The following SARDH variants were observed in gnomAD, a reference collection of about 807,000 sequenced individuals.
SARDH encodes the protein sarcosine dehydrogenase, mitochondrial.
In SARDH, 95 loss-of-function variants were observed where a neutral mutation model predicts 109.1. The ratio of observed to expected loss-of-function variants is 0.87; its 90% CI spans 0.74 to 1.03. The LOEUF is 1.03. Among genes scored for constraint, SARDH ranks in the 50% least tolerant of loss-of-function variants. The pLI, the probability that SARDH is intolerant of heterozygous loss-of-function variation, is 0.00. For synonymous variants in SARDH, 572 were observed against 534.8 expected, an observed-to-expected ratio of 1.07 and a Z score of -0.96; for missense variants, 1,267 against 1,287.8, an observed-to-expected ratio of 0.98 and a Z score of 0.25.
chr9:133,664,547 A>C (rs1588362932), intron 20 of SARDH, among the ~76,000 whole-genome samples: 1 of 151,572 alleles, frequency 6.6e-6, no homozygotes, highest in Non-Finnish European at 1.5e-5. Flanking sequence ...GGAGGGTGTC[A>C]CCTCCAGCCT....
chr9:133,676,636 G>A (rs1830520687), intron 17 of SARDH, among the ~76,000 whole-genome samples: 1 of 152,208 alleles, frequency 6.6e-6, no homozygotes, highest in Admixed American at 6.5e-5. Context: ...GGGAATGTGA[G>A]GGAATGGCCC....
Position 133,670,689 on chromosome 9 carries a change from A to T in SARDH, c.2390T>A (p.Phe797Tyr), listed in dbSNP as rs1830313931. ...CACCGGCGACTTGAGCTTGCAGGTG[A>T]AGGCCAGGCCTGCCTCCAGGGGGCT... ...DDSPLEAGLA[F>Y]TCKLKSPVPF... Residue 797 changes from phenylalanine (F) to tyrosine (Y), a missense_variant, in exon 19 of 21, where the codon TTC becomes TAC. Physicochemically the swap from Phe to Tyr is conservative, Grantham distance 22. Coordinates refer to ENST00000439388, the MANE Select transcript of SARDH (RefSeq NM_001134707.2). The T allele has an allele frequency of 6.2e-7, 1 of 1,608,192 alleles. No homozygotes were observed. Among genetic ancestry groups the T allele is most frequent in the Non-Finnish European group, 8.5e-7 (1 of 1,178,152 alleles).
intron 15 of SARDH, 83 bp downstream of exon 15, chr9:133,694,175 C>A: frequency 9.9e-7 from 1 of 1,014,164 alleles, no homozygotes. Context: ...GCAGCCCATC[C>A]CGTCCATCCT....
chr9:133,665,784 C>G (rs1830043883), intron 20 of SARDH, among the ~76,000 whole-genome samples: 1 of 152,224 alleles, frequency 6.6e-6, no homozygotes, highest in Non-Finnish European at 1.5e-5. Context: ...CCGTCTCCAG[C>G]CTACCCCTCC....
intron 8 of SARDH, among the ~76,000 whole-genome samples, chr9:133,714,344 C>T (rs143124808): frequency 1.3e-3 from 198 of 152,214 alleles, no homozygotes; most frequent in African/African-American, 4.5e-3. Flanking sequence ...AGGGCCACTG[C>T]AGGGGAGGGT....
Position 133,718,805 on chromosome 9 carries a change from G to A in SARDH, c.1020+133C>T, listed in dbSNP as rs1052736294. 1.2e-6 allele frequency: 1 copy of A among 816,898 alleles called. No individual in the cohort carries two copies. The allele number at this position is 816,898 out of a possible 1,614,324, so 50.6% of individuals were successfully genotyped here. The stretch of plus-strand genomic sequence containing the variant: ...AGCAAGATGGCTTTGAGCTTGGTGG[G>A]GTCAGGGGACCGGCCACTTCTCAGG... On this transcript the variant is annotated intron_variant, in intron 7 of 20. Transcript: ENST00000439388. This position sits in a 1 kb window ranked among gnomAD's most constrained non-coding sequence, Gnocchi z 4.2.
intron 6 of SARDH, 45 bp from the exon 7 acceptor site, chr9:133,719,087 G>A: frequency 6.4e-7 from 1 of 1,554,706 alleles, no homozygotes; most frequent in Non-Finnish European, 8.9e-7. Flanking sequence ...AGAACTGGGT[G>A]GGGACTTGGT....
rs140763023 is a variant in SARDH at position 133,681,118 on chromosome 9, G to A, written c.2163+4075C>T. 4.1e-3 allele frequency among the ~76,000 whole-genome samples: 626 copies of A among 152,352 alleles called. 10 individuals are homozygous for A. The highest frequency in any genetic ancestry group is 0.014 in the African/African-American group (596 of 41,584). ...TCCTGGCTGGGGCTGTGTGGGGATG[G>A]AAGCCTGCCCTCAGCACCGGGGACA... On this transcript the variant is annotated intron_variant, in intron 17 of 20. Coordinates refer to ENST00000439388, the MANE Select transcript of SARDH (RefSeq NM_001134707.2).
chr9:133,684,004 G>A (rs1830791702), intron 17 of SARDH, among the ~76,000 whole-genome samples: 2 of 152,194 alleles, frequency 1.3e-5, no homozygotes, highest in South Asian at 2.1e-4. Flanking sequence ...GCCTCTCTGA[G>A]CTCCATCTGG....
At chr9:133,660,806 G>C (rs1201469430), downstream of SARDH, among the ~76,000 whole-genome samples, 3 of 152,222 alleles carry the variant, frequency 2.0e-5, no homozygotes, top group African/African-American at 7.2e-5. Flanking sequence ...GCTCCAGCCA[G>C]CATAGGGGTG....
chr9:133,731,526 A>AG, intron 3 of SARDH, 42 bp from the exon 4 acceptor site: 10 of 1,596,882 alleles, frequency 6.3e-6, no homozygotes, highest in Non-Finnish European at 8.6e-6. Context: ...CGTGGGGAGC[A>AG]GACCCCTGGG....
Position 133,712,590 on chromosome 9 carries a change from C to A in SARDH, c.1328+29G>T, listed in dbSNP as rs769738892. 6.3e-7 allele frequency: 1 copy of A among 1,585,098 alleles called. No individual in the cohort carries two copies. The highest frequency in any genetic ancestry group is 1.1e-5 in the South Asian group (1 of 90,552). On this transcript the variant is annotated intron_variant, in intron 10 of 20. Coordinates refer to ENST00000439388, the MANE Select transcript of SARDH (RefSeq NM_001134707.2). The surrounding 1 kb of genome is among the most constrained non-coding windows in gnomAD (Gnocchi z 4.1). ...ACGCCACCTGTCCTGAGTGGCGGGCCCTGCCCTTAGGTCCCAATGGGCACT... is the reference window on the plus strand; with the variant it reads ...ACGCCACCTGTCCTGAGTGGCGGGCACTGCCCTTAGGTCCCAATGGGCACT...
At chr9:133,734,364 C>CTCAT (rs199864550) in intron 1 of SARDH, among the ~76,000 whole-genome samples, 161 bp from the exon 2 acceptor site, 5 of 147,368 alleles carry the variant, frequency 3.4e-5, no homozygotes, top group African/African-American at 5.3e-5. Context: ...CATTCATTCA[C>CTCAT]TCATTCATTC....
At chr9:133,731,651 G>C (rs532738002) in intron 3 of SARDH, among the ~76,000 whole-genome samples, 167 bp from the exon 4 acceptor site, 1 of 152,294 alleles carries the variant, frequency 6.6e-6, no homozygotes, top group African/African-American at 2.4e-5. Flanking sequence ...TTCAGCATAA[G>C]AGTTAAGGAG....
At chr9:133,732,193 G>A (rs1832707900) in intron 3 of SARDH, among the ~76,000 whole-genome samples, 1 of 152,000 alleles carries the variant, frequency 6.6e-6, no homozygotes, top group Non-Finnish European at 1.5e-5. Flanking sequence ...GGTGCCCACC[G>A]ACATGAGCCC....
intron 3 of SARDH, among the ~76,000 whole-genome samples, chr9:133,731,844 T>C (rs1396400620): frequency 1.3e-5 from 2 of 152,120 alleles, no homozygotes; most frequent in Non-Finnish European, 2.9e-5. Context: ...TTATATAAGA[T>C]AAATAACCCC....
intron 17 of SARDH, 124 bp from the exon 18 acceptor site, chr9:133,671,821 C>G: frequency 8.4e-7 from 1 of 1,196,378 alleles, no homozygotes; most frequent in Middle Eastern, 3.0e-4. Flanking sequence ...TGGGTCCCAG[C>G]CAGATTGCCA....
chr9:133,664,535 G>A (rs936820339), intron 20 of SARDH, among the ~76,000 whole-genome samples: 2 of 152,200 alleles, frequency 1.3e-5, no homozygotes, highest in Non-Finnish European at 2.9e-5. Context: ...TCTTAGGCAG[G>A]AGGAGGGTGT....
Position 133,666,610 on chromosome 9 carries a change from C to CCTCCTT in SARDH, c.2631+124_2631+125insAAGGAG. 7.7e-7 allele frequency: 1 copy of CCTCCTT among 1,301,438 alleles called. No individual in the cohort carries two copies. The highest frequency in any genetic ancestry group is 1.0e-6 in the Non-Finnish European group (1 of 953,472). The allele number at this position is 1,301,438 out of a possible 1,614,324, so 80.6% of individuals were successfully genotyped here. The stretch of plus-strand genomic sequence containing the variant: ...CCTCCCTCCTTTCTCTTCCCTCCTC[C>CCTCCTT]TCTTCTGGACCACACCCGTGCCTCC... On this transcript the variant is annotated intron_variant, in intron 20 of 20. Transcript: ENST00000439388. This position sits in a 1 kb window ranked among gnomAD's most constrained non-coding sequence, Gnocchi z 5.2.
Sources: allele counts gnomAD v4.1 joint callset (sites outside exome capture counted in the v4.1 genomes callset), GRCh38; gene constraint gnomAD v4.1.1; non-coding constraint Gnocchi (gnomAD v3.1); transcripts MANE v1.5; gene names NCBI Gene and HGNC (gene_info 2026-07-23, HGNC 2026-07-21).